Variants in LARGE1 observed in about 807,000 individuals in gnomAD.
LARGE1 encodes the protein xylosyl- and glucuronyltransferase LARGE1.
A neutral mutation model predicts 87.6 loss-of-function variants in LARGE1; 43 were observed. The ratio of observed to expected loss-of-function variants is 0.49; its 90% CI spans 0.38 to 0.63. The LOEUF is 0.63. Among genes scored for constraint, LARGE1 ranks in the 30% least tolerant of loss-of-function variants. The pLI is 0.00. For missense variants in LARGE1, 802 were observed against 1,000.2 expected (o/e 0.80, Z 2.67); for synonymous variants, 434 against 394.6 (o/e 1.10, Z -1.18).
At chr22:33,365,219 C>T (rs2064543196) in intron 9 of LARGE1, among the ~76,000 whole-genome samples, 1 of 152,078 alleles carries the variant, frequency 6.6e-6, no homozygotes, top group Non-Finnish European at 1.5e-5. Flanking sequence ...AGAAAGTCAT[C>T]CACTTCTCCA....
intron 2 of LARGE1, among the ~76,000 whole-genome samples, chr22:33,735,229 T>C (rs118012845): frequency 2.5e-4 from 38 of 152,340 alleles, no homozygotes; most frequent in Non-Finnish European, 4.1e-4. Flanking sequence ...TATTTGATAT[T>C]TGCCTTCCCA....
the LARGE1 span, among the ~76,000 whole-genome samples, chr22:33,120,352 CTTTCTT>C: frequency 5.2e-5 from 6 of 115,836 alleles, no homozygotes; most frequent in African/African-American, 1.2e-4. Flanking sequence ...TCTTTCTTTT[CTTTCTT>C]TTTCTTTCTT....
At chr22:33,913,512 C>T (rs544110304) in intron 1 of LARGE1, among the ~76,000 whole-genome samples, 2 of 152,198 alleles carry the variant, frequency 1.3e-5, no homozygotes, top group East Asian at 3.9e-4. Context: ...TTAAAACATT[C>T]GTTTATGTTT....
At chr22:33,919,757 G>A (rs999392024) in intron 1 of LARGE1, among the ~76,000 whole-genome samples, 1 of 152,222 alleles carries the variant, frequency 6.6e-6, no homozygotes. Flanking sequence ...CTCGCTCCCT[G>A]CCAGCAGCCT....
chr22:33,679,644 C>T (rs113220059), intron 2 of LARGE1, among the ~76,000 whole-genome samples: 5 of 152,132 alleles, frequency 3.3e-5, no homozygotes, highest in Non-Finnish European at 5.9e-5. Context: ...GAGTTCGAGA[C>T]CAGCCTGGCC....
At chr22:33,690,839 C>T (rs1050143425) in intron 2 of LARGE1, among the ~76,000 whole-genome samples, 1 of 152,150 alleles carries the variant, frequency 6.6e-6, no homozygotes, top group Non-Finnish European at 1.5e-5. Flanking sequence ...GTTCTGCCTA[C>T]ATGCCTGTCC....
intron 9 of LARGE1, among the ~76,000 whole-genome samples, chr22:33,356,320 A>G (rs1940885305): frequency 6.6e-6 from 1 of 152,224 alleles, no homozygotes; most frequent in Non-Finnish European, 1.5e-5. Flanking sequence ...ACTCAAGCTT[A>G]AGTCACCCAA....
the LARGE1 span, among the ~76,000 whole-genome samples, chr22:33,112,447 C>T: frequency 6.6e-5 from 10 of 152,128 alleles, no homozygotes; most frequent in Non-Finnish European, 1.5e-5. Flanking sequence ...ACATCGTATG[C>T]GCTGGCAAGA....
intron 1 of LARGE1, among the ~76,000 whole-genome samples, chr22:33,802,035 GAA>G (rs55853555): frequency 2.5e-4 from 36 of 144,442 alleles, no homozygotes; most frequent in African/African-American, 8.2e-4. Context: ...TAACTCTGGA[GAA>G]AAAAAAAAAA....
intron 6 of LARGE1, among the ~76,000 whole-genome samples, chr22:33,538,110 C>G (rs187484989): frequency 1.1e-4 from 16 of 152,258 alleles, no homozygotes; most frequent in African/African-American, 3.6e-4. Context: ...TGCCTCCATG[C>G]CTTTTCCAAG....
Position 33,274,280 on chromosome 22 carries a change from T to A in LARGE1, c.*147A>T. Reference sequence around the variant, plus strand: ...GCTGGATCCTTGTCCAAGGTCTCTGTAGTGAGGGCAGCTTGGCTGGGCCAA... The same window carrying A: ...GCTGGATCCTTGTCCAAGGTCTCTGAAGTGAGGGCAGCTTGGCTGGGCCAA... On this transcript the variant is annotated 3_prime_UTR_variant, in exon 15 of 15. Coordinates refer to ENST00000397394, the MANE Select transcript of LARGE1 (RefSeq NM_133642.5). 1.3e-6 allele frequency: 1 copy of A among 799,248 alleles called. No individual in the cohort carries two copies. Among genetic ancestry groups the A allele is most frequent in the South Asian group, 1.5e-5 (1 of 67,634 alleles). 49.5% of individuals were successfully genotyped at this position (799,248 alleles called of 1,614,324 possible).
chr22:33,379,516 C>T lies in LARGE1; in HGVS notation c.1131+2403G>A, dbSNP rs528013991. On this transcript the variant is annotated intron_variant, in intron 9 of 14. Coordinates refer to ENST00000397394, the MANE Select transcript of LARGE1 (RefSeq NM_133642.5). Reference sequence around the variant, plus strand: ...GACACATGCACACCTATGTTTACTGCGGCACTATTCACAATAGCAAAGACT... The same window carrying T: ...GACACATGCACACCTATGTTTACTGTGGCACTATTCACAATAGCAAAGACT... 2.4e-4 allele frequency among the ~76,000 whole-genome samples: 37 copies of T among 152,122 alleles called. 1 individual carries two copies. In the South Asian group the frequency reaches 4.6e-3, roughly 19 times the overall value.
At chr22:33,203,163 CAGACAGAG>C (rs1412985001) in intron 11 of LARGE1, among the ~76,000 whole-genome samples, 1 of 150,512 alleles carries the variant, frequency 6.6e-6, no homozygotes, top group Non-Finnish European at 1.5e-5. Flanking sequence ...GACAGACAGA[CAGACAGAG>C]AGAGGCTGGT....
At chr22:33,160,777 C>G (rs747798802), downstream of LARGE1, among the ~76,000 whole-genome samples, 1 of 152,234 alleles carries the variant, frequency 6.6e-6, no homozygotes, top group Non-Finnish European at 1.5e-5. Flanking sequence ...ACAGCATTTG[C>G]TTTAAGCTTC....
chr22:33,724,451 C>G (rs1169240321), intron 2 of LARGE1, among the ~76,000 whole-genome samples: 1 of 152,128 alleles, frequency 6.6e-6, no homozygotes, highest in East Asian at 1.9e-4. Flanking sequence ...GTGGGAATCC[C>G]TGGCTCTCAG....
chr22:33,909,157 G>C (rs376325543), intron 1 of LARGE1, among the ~76,000 whole-genome samples: 25 of 152,242 alleles, frequency 1.6e-4, no homozygotes, highest in African/African-American at 6.0e-4. Context: ...TGCTGCTTGT[G>C]TCACGAGTGG....
intron 2 of LARGE1, among the ~76,000 whole-genome samples, chr22:33,684,156 T>C (rs902858694): frequency 3.3e-5 from 5 of 152,134 alleles, no homozygotes; most frequent in African/African-American, 9.7e-5. Context: ...ACAGAAATCA[T>C]TGCACGTTGT....
intron 11 of LARGE1, among the ~76,000 whole-genome samples, chr22:33,200,384 C>T (rs1329556077): frequency 6.6e-6 from 1 of 152,082 alleles, no homozygotes; most frequent in Admixed American, 6.5e-5. Context: ...CCTCGTACGT[C>T]GCTGGTGGGA....
chr22:33,610,495 A>G (rs2079395936), intron 4 of LARGE1, among the ~76,000 whole-genome samples: 1 of 152,312 alleles, frequency 6.6e-6, no homozygotes, highest in African/African-American at 2.4e-5. Flanking sequence ...CTGCCAGAGG[A>G]CATTTCTAAG....
Sources: allele counts gnomAD v4.1 joint callset (sites outside exome capture counted in the v4.1 genomes callset), GRCh38; gene constraint gnomAD v4.1.1; transcripts MANE v1.5; gene names NCBI Gene and HGNC (gene_info 2026-07-23, HGNC 2026-07-21).